CUL9: variants seen among roughly 807,000 people sequenced by gnomAD.
The protein encoded by CUL9 is cullin 9.
A neutral mutation model predicts 272.6 loss-of-function variants in CUL9; 79 were observed. That is an observed-to-expected ratio of 0.29 (90% confidence interval 0.24 to 0.35). CUL9 has a LOEUF of 0.35. Among genes scored for constraint, CUL9 ranks in the 10% least tolerant of loss-of-function variants. The probability of loss-of-function intolerance (pLI) is 1.00; values close to 1 mark genes in which losing one functional copy is unlikely to be tolerated. For synonymous variants in CUL9, 1,186 were observed against 1,286.5 expected (o/e 0.92, Z 1.67); for missense variants, 2,532 against 3,255.6 (o/e 0.78, Z 5.41).
At chr6:43,202,277 A>G (rs746634456) in intron 16 of CUL9, among the ~76,000 whole-genome samples, 1 of 152,204 alleles carries the variant, frequency 6.6e-6, no homozygotes, top group African/African-American at 2.4e-5. Context: ...CCTGTGGGAC[A>G]TGACATGGAA....
chr6:43,207,882 T>G (rs1775172098), intron 26 of CUL9, among the ~76,000 whole-genome samples: 1 of 152,224 alleles, frequency 6.6e-6, no homozygotes, highest in South Asian at 2.1e-4. Flanking sequence ...CCTTGTTAAT[T>G]GTTTTGTTCA....
In CUL9 at chr6:43,213,628, G is replaced by A. The variant is rs1775707448; in HGVS notation, c.5488+61G>A. 2 of 1,603,492 alleles carry A rather than the reference G, an allele frequency of 1.2e-6. No individual in the cohort carries two copies. ...TGGTCGGGGGGTCGCCCTCAAGATG[G>A]GGGGACTGTGAGAATGGGGTCATCT... is the stretch of plus-strand genomic sequence containing the variant. On this transcript the variant is annotated intron_variant, in intron 28 of 40. Coordinates refer to ENST00000252050, the MANE Select transcript of CUL9 (RefSeq NM_015089.4). This position sits in a 1 kb window ranked among gnomAD's most constrained non-coding sequence, Gnocchi z 5.7.
chr6:43,202,659 A>T, intron 16 of CUL9, 57 bp from the exon 17 acceptor site: 1 of 1,477,390 alleles, frequency 6.8e-7, no homozygotes, highest in Non-Finnish European at 9.5e-7. Flanking sequence ...GGGATTACAG[A>T]TGTGAGCCAC....
rs369779964 is a variant in CUL9 at position 43,221,825 on chromosome 6, G to A, written c.6846+47G>A. On this transcript the variant is annotated intron_variant, in intron 35 of 40. Transcript: ENST00000252050. The surrounding 1 kb of genome is among the most constrained non-coding windows in gnomAD (Gnocchi z 4.2). ...GAGGGCAGAGGCCCAGAGCCGTCGG[G>A]GAGGGGTGCTGCTACCAGGTCCTGG... 2.6e-6 allele frequency: 4 copies of A among 1,540,064 alleles called. No individual in the cohort carries two copies. The highest frequency in any genetic ancestry group is 2.2e-5 in the East Asian group (1 of 44,490).
Position 43,184,818 on chromosome 6 carries a change from C to G in CUL9, c.508C>G (p.Leu170Val), listed in dbSNP as rs189767161. ...GVFRETGALD[L>V]LMHMLCNPEP... ...CTTCAGGGAGACAGGAGCCCTGGAC[C>G]TGCTCATGCACATGTTATGCAATCC... is the stretch of plus-strand genomic sequence containing the variant. Residue 170 changes from leucine to valine, a missense_variant, in exon 2 of 41, where the codon CTG (leucine) becomes GTG (valine). Transcript: ENST00000252050. The surrounding 1 kb of genome is among the most constrained non-coding windows in gnomAD (Gnocchi z 4.8). The G allele has an allele frequency of 1.2e-6, 2 of 1,613,346 alleles. No homozygotes were observed. The highest frequency in any genetic ancestry group is 4.5e-5 in the East Asian group (2 of 44,886).
rs1361522918 is a variant in CUL9, at chr6:43,213,889, C to T, written c.5665C>T (p.His1889Tyr). ...CAAAGCCCATGGGGAAAAGGGCCTC[C>T]ACATTGATCAGCTGGTTTGTCTGGT... The part of the protein sequence containing the change: ...ILKAHGEKGL[H>Y]IDQLVCLVLE... Residue 1889 changes from histidine to tyrosine, a missense_variant, in exon 29 of 41, where the codon CAC becomes TAC. Transcript: ENST00000252050. This position sits in a 1 kb window ranked among gnomAD's most constrained non-coding sequence, Gnocchi z 5.7. The T allele has an allele frequency of 6.2e-7, 1 of 1,614,046 alleles. No homozygotes were observed. The highest frequency in any genetic ancestry group is 1.7e-5 in the Admixed American group (1 of 60,022).
At position 43,213,643 on chromosome 6, in the gene CUL9, TG is replaced by T. The variant is rs1032551629; in HGVS notation, c.5489-66del. ...CCTCAAGATGGGGGGACTGTGAGAA[TG>T]GGGTCATCTTAGTCCCCATTCATCT... is the stretch of plus-strand genomic sequence containing the variant. On this transcript the variant is annotated intron_variant, in intron 28 of 40. Coordinates refer to ENST00000252050, the MANE Select transcript of CUL9 (RefSeq NM_015089.4). The surrounding 1 kb of genome is among the most constrained non-coding windows in gnomAD (Gnocchi z 5.7). 2.5e-6 allele frequency: 4 copies of T among 1,604,982 alleles called. No individual in the cohort carries two copies. In the African/African-American group the frequency reaches 4.0e-5, roughly 16 times the overall value.
In CUL9 at chr6:43,214,001, AC is replaced by A. The variant is rs1004668783; in HGVS notation, c.5688+90del. The A allele has an allele frequency of 3.8e-6, 5 of 1,310,380 alleles. No individual in the cohort carries two copies. The African/African-American group carries it at 5.8e-5, about 15-fold the overall frequency. 81.2% of individuals were successfully genotyped at this position (1,310,380 alleles called of 1,614,324 possible). On this transcript the variant is annotated intron_variant, in intron 29 of 40. Coordinates refer to ENST00000252050, the MANE Select transcript of CUL9 (RefSeq NM_015089.4). Reference sequence around the variant, plus strand: ...ACACAGTGAACTCTTTCAATATAAGACTTCTGTAGGGTGACATTTCCATCTG... The same window carrying A: ...ACACAGTGAACTCTTTCAATATAAGATTCTGTAGGGTGACATTTCCATCTG...
intron 11 of CUL9, chr6:43,198,256 T>C (rs901639734): frequency 3.0e-6 from 3 of 985,112 alleles, no homozygotes; most frequent in Non-Finnish European, 3.6e-6. Flanking sequence ...ATAGGAAATA[T>C]GTATGTATCT....
At chr6:43,188,355 T>G in intron 7 of CUL9, 168 bp from the exon 8 acceptor site, 1 of 813,158 alleles carries the variant, frequency 1.2e-6, no homozygotes, top group East Asian at 2.7e-5. Context: ...TGTCTTCATC[T>G]CCTTTGTTTG....
At chr6:43,186,914 G>A in intron 4 of CUL9, 46 bp from the exon 5 acceptor site, 1 of 1,603,252 alleles carries the variant, frequency 6.2e-7, no homozygotes, top group South Asian at 1.1e-5. Flanking sequence ...GGCTCAGAGG[G>A]TTGAGCCTTC....
At position 43,220,519 on chromosome 6, in the gene CUL9, T is replaced by C; in HGVS notation, c.6343T>C (p.Cys2115Arg). 6.2e-7 allele frequency: 1 copy of C among 1,614,152 alleles called. No homozygotes were observed. The highest frequency in any genetic ancestry group is 1.3e-5 in the African/African-American group (1 of 75,034). The change falls in exon 32 of 41, where the codon TGC becomes CGC. Residue 2115 changes from cysteine to arginine, a missense_variant. Transcript: ENST00000252050. The surrounding 1 kb of genome is among the most constrained non-coding windows in gnomAD (Gnocchi z 4.9). ...IEQNLVLNCT[C>R]PIADCPAQPT... ...GCAGAACCTTGTTTTGAATTGCACCTGCCCCATTGCCGACTGCCCCGCCCA... is the reference window on the plus strand; with the variant it reads ...GCAGAACCTTGTTTTGAATTGCACCCGCCCCATTGCCGACTGCCCCGCCCA...
At chr6:43,204,664 C>T in intron 21 of CUL9, 84 bp from the exon 22 acceptor site, 1 of 1,580,760 alleles carries the variant, frequency 6.3e-7, no homozygotes, top group Admixed American at 1.7e-5. Flanking sequence ...ACCTACTGGC[C>T]TTTCCAGGAG....
chr6:43,209,561 T>G (rs1775312351), intron 26 of CUL9, among the ~76,000 whole-genome samples: 1 of 152,246 alleles, frequency 6.6e-6, no homozygotes, highest in African/African-American at 2.4e-5. Flanking sequence ...CTCTTTAGTC[T>G]CCTTTAATCT....
At chr6:43,183,989 G>C (rs550069585) in intron 1 of CUL9, among the ~76,000 whole-genome samples, 1 of 152,230 alleles carries the variant, frequency 6.6e-6, no homozygotes, top group South Asian at 2.1e-4. Context: ...CTGACCTCGT[G>C]ATCTGCCCAC....
In CUL9 at chr6:43,203,352, T is replaced by C. The variant is rs1774777531; in HGVS notation, c.3850-65T>C. The C allele has an allele frequency of 1.2e-6, 2 of 1,605,778 alleles. No homozygotes were observed. The highest frequency in any genetic ancestry group is 1.7e-6 in the Non-Finnish European group (2 of 1,174,914). ...TTCTAGGGAGCTCAGGGCAGGAGGC[T>C]TGGCTTTGGTAGTACTTAGTGGCTC... On this transcript the variant is annotated intron_variant, in intron 18 of 40. Transcript: ENST00000252050. The surrounding 1 kb of genome is among the most constrained non-coding windows in gnomAD (Gnocchi z 5.0).
At chr6:43,183,748 CTT>C (rs980763531) in intron 1 of CUL9, among the ~76,000 whole-genome samples, 3 of 151,276 alleles carry the variant, frequency 2.0e-5, no homozygotes, top group Admixed American at 6.6e-5. Flanking sequence ...CTCTCTCTCT[CTT>C]TCTTTCTTTT....
At chr6:43,195,903 CTT>C (rs1773953006) in intron 9 of CUL9, among the ~76,000 whole-genome samples, 164 bp from the exon 10 acceptor site, 1 of 152,148 alleles carries the variant, frequency 6.6e-6, no homozygotes, top group South Asian at 2.1e-4. Flanking sequence ...CCTTCCCTCT[CTT>C]TGTAGTATTT....
chr6:43,189,159 C>A (rs1773192399), intron 8 of CUL9, among the ~76,000 whole-genome samples: 2 of 150,464 alleles, frequency 1.3e-5, no homozygotes, highest in African/African-American at 2.5e-5. Flanking sequence ...CACATTAGAC[C>A]TTAAAACCTA....
Sources: gnomAD v4.1 joint callset for allele counts (sites outside exome capture counted in the v4.1 genomes callset) on GRCh38, gnomAD v4.1.1 for gene constraint, Gnocchi (gnomAD v3.1) non-coding constraint, MANE v1.5 for transcripts, NCBI Gene and HGNC (gene_info 2026-07-23, HGNC 2026-07-21) for gene names.